Variants in PRKN observed in about 807,000 individuals in gnomAD.
The protein encoded by PRKN is E3 ubiquitin-protein ligase parkin.
In PRKN, 56 loss-of-function variants were observed where a neutral mutation model predicts 59.5. The observed-to-expected ratio is 0.94, with a 90% CI of 0.76 to 1.18. The LOEUF is 1.18. PRKN is among the 50% of genes most tolerant of loss of function. The pLI is 0.00. For synonymous variants in PRKN, 250 were observed against 222.1 expected (o/e 1.13, Z -1.12); for missense variants, 657 against 596.4 (o/e 1.10, Z -1.06).
chr6:162,723,923 T>C (rs561170517), intron 1 of PRKN, among the ~76,000 whole-genome samples: 9 of 152,304 alleles, frequency 5.9e-5, no homozygotes, highest in African/African-American at 1.7e-4. Context: ...AAACAAGGTA[T>C]AGAAGAGACT....
At chr6:162,057,146 G>A (rs940242325) in intron 4 of PRKN, among the ~76,000 whole-genome samples, 5 of 152,182 alleles carry the variant, frequency 3.3e-5, no homozygotes, top group African/African-American at 7.2e-5. Flanking sequence ...TAGGAGGGTC[G>A]GGGCTCATCA....
rs1787085373 is a variant in PRKN, at chr6:161,402,287, G to C, written c.1084-15410C>G. Among the ~76,000 whole-genome samples, 1 of 152,104 alleles carries C rather than the reference G, an allele frequency of 6.6e-6. No individual in the cohort carries two copies. Among genetic ancestry groups the C allele is most frequent in the Non-Finnish European group, 1.5e-5 (1 of 68,022 alleles). Reference sequence around the variant, plus strand: ...TTATGAAATTATAAAATAAAACCCAGACTTATAAGACTCTTCCCCTGCCTA... The same window carrying C: ...TTATGAAATTATAAAATAAAACCCACACTTATAAGACTCTTCCCCTGCCTA... On this transcript the variant is annotated intron_variant, in intron 9 of 11. Transcript: ENST00000366898. The surrounding 1 kb of genome is among the most constrained non-coding windows in gnomAD (Gnocchi z 4.5).
chr6:161,746,890 C>CTATG lies in PRKN; in HGVS notation c.871+38878_871+38881dup, dbSNP rs559319614. Among the ~76,000 whole-genome samples, 27 of 150,154 alleles carry CTATG rather than the reference C, an allele frequency of 1.8e-4. 1 individual carries two copies. The highest frequency in any genetic ancestry group is 1.7e-3 in the Admixed American group (26 of 15,000). On this transcript the variant is annotated intron_variant, in intron 7 of 11. Coordinates refer to ENST00000366898, the MANE Select transcript of PRKN (RefSeq NM_004562.3). The stretch of plus-strand genomic sequence containing the variant: ...TACGTATATATCTATATCTATATAT[C>CTATG]TATGTATGTATGTATAATACTGAAG...
chr6:161,523,265 T>C (rs1778903486), intron 9 of PRKN, among the ~76,000 whole-genome samples: 2 of 152,230 alleles, frequency 1.3e-5, no homozygotes, highest in Admixed American at 1.3e-4. Context: ...GGGAGATAAC[T>C]AAATTTTTAT....
At position 161,886,740 on chromosome 6, in the gene PRKN, AAAT is replaced by A. The variant is rs746147611; in HGVS notation, c.734+86559_734+86561del. On this transcript the variant is annotated intron_variant, in intron 6 of 11. Coordinates refer to ENST00000366898, the MANE Select transcript of PRKN (RefSeq NM_004562.3). The stretch of plus-strand genomic sequence containing the variant: ...ACATAAAATAACATAAAATAAAATA[AAAT>A]AATAAAATAAAAAAAAATAAAATAA... Among the ~76,000 whole-genome samples, 7 of 136,748 alleles carry A rather than the reference AAAT, an allele frequency of 5.1e-5. No homozygotes were observed. The South Asian group carries it at 7.6e-4, about 15-fold the overall frequency. The allele number at this position is 136,748 out of a possible 152,430, so 89.7% of individuals were successfully genotyped here. A position where few individuals can be genotyped will look rare whatever the true frequency, so the allele number is the denominator to read the frequency against.
chr6:162,623,101 A>G (rs550483632), intron 1 of PRKN, among the ~76,000 whole-genome samples: 1 of 152,370 alleles, frequency 6.6e-6, no homozygotes, highest in South Asian at 2.1e-4. Flanking sequence ...CCCAGTCATT[A>G]GGCTTCAGCC....
chr6:162,094,565 G>T (rs1227980187), intron 4 of PRKN, among the ~76,000 whole-genome samples: 1 of 152,114 alleles, frequency 6.6e-6, no homozygotes, highest in Admixed American at 6.6e-5. Flanking sequence ...GGAGGGCCCT[G>T]ACATAGTGAG....
intron 2 of PRKN, among the ~76,000 whole-genome samples, chr6:162,352,729 T>C (rs557553235): frequency 6.6e-6 from 1 of 152,310 alleles, no homozygotes; most frequent in Admixed American, 6.5e-5. Flanking sequence ...TCTTCTCTAA[T>C]TAGTACTTGC....
intron 6 of PRKN, among the ~76,000 whole-genome samples, chr6:161,839,399 T>G (rs1792891841): frequency 6.6e-6 from 1 of 152,008 alleles, no homozygotes. Flanking sequence ...TGGGAATTAC[T>G]CTCTGGGTAG....
In PRKN at chr6:161,459,289, G is replaced by T. The variant is rs140711107; in HGVS notation, c.1084-72412C>A. On this transcript the variant is annotated intron_variant, in intron 9 of 11. Transcript: ENST00000366898. The surrounding 1 kb of genome is among the most constrained non-coding windows in gnomAD (Gnocchi z 4.8). ...TCTGCAACCTAAAGGAAATGCTGTGGTCTCTCTCTTAAGAATGAGAACATT... is the reference window on the plus strand; with the variant it reads ...TCTGCAACCTAAAGGAAATGCTGTGTTCTCTCTCTTAAGAATGAGAACATT... 1.5e-3 allele frequency among the ~76,000 whole-genome samples: 227 copies of T among 152,286 alleles called. No homozygotes were observed. The highest frequency in any genetic ancestry group is 2.9e-3 in the Non-Finnish European group (195 of 68,024).
At chr6:162,203,191 G>A (rs546936722) in intron 3 of PRKN, among the ~76,000 whole-genome samples, 9 of 152,266 alleles carry the variant, frequency 5.9e-5, no homozygotes, top group Admixed American at 6.5e-5. Context: ...ATATATCAAC[G>A]CAGAATCTGA....
intron 4 of PRKN, among the ~76,000 whole-genome samples, chr6:162,135,657 T>A (rs1294410864): frequency 6.6e-6 from 1 of 151,948 alleles, no homozygotes; most frequent in Non-Finnish European, 1.5e-5. Context: ...TCAGTGACAG[T>A]GTGTGTAGCT....
chr6:162,376,239 T>C (rs563451316), intron 2 of PRKN, among the ~76,000 whole-genome samples: 1 of 152,226 alleles, frequency 6.6e-6, no homozygotes, highest in South Asian at 2.1e-4. Context: ...AAGGGAATTT[T>C]GTTACTCCTG....
intron 7 of PRKN, among the ~76,000 whole-genome samples, chr6:161,645,746 A>G (rs558469924): frequency 1.3e-5 from 2 of 152,400 alleles, no homozygotes; most frequent in South Asian, 4.1e-4. Flanking sequence ...TATTGCATGG[A>G]CACGGGGTTT....
At chr6:162,591,087 G>T (rs2128214207) in intron 1 of PRKN, among the ~76,000 whole-genome samples, 1 of 152,266 alleles carries the variant, frequency 6.6e-6, no homozygotes, top group Non-Finnish European at 1.5e-5. Context: ...TGCTCAAGAT[G>T]CATCAGGCTG....
At position 162,611,084 on chromosome 6, in the gene PRKN, G is replaced by A. The variant is rs186857463; in HGVS notation, c.7+116578C>T. Among the ~76,000 whole-genome samples, 7 of 152,236 alleles carry A rather than the reference G, an allele frequency of 4.6e-5. No homozygotes were observed. The East Asian group carries it at 1.2e-3, about 25-fold the overall frequency. Reference sequence around the variant, plus strand: ...ATAGGCCTCACTGGAGAAATAATGTGTTGAATCCTTTTGTAATATCTATTG... The same window carrying A: ...ATAGGCCTCACTGGAGAAATAATGTATTGAATCCTTTTGTAATATCTATTG... On this transcript the variant is annotated intron_variant, in intron 1 of 11. Coordinates refer to ENST00000366898, the MANE Select transcript of PRKN (RefSeq NM_004562.3).
At chr6:162,495,469 C>T (rs1344484186) in intron 1 of PRKN, among the ~76,000 whole-genome samples, 2 of 152,070 alleles carry the variant, frequency 1.3e-5, no homozygotes, top group Non-Finnish European at 2.9e-5. Flanking sequence ...ACCTGAATGC[C>T]AAGAGCTTGG....
At chr6:162,638,983 C>T (rs940298378) in intron 1 of PRKN, among the ~76,000 whole-genome samples, 3 of 151,906 alleles carry the variant, frequency 2.0e-5, no homozygotes, top group African/African-American at 4.8e-5. Flanking sequence ...TGACCTCAGG[C>T]GATCCACCCA....
chr6:161,450,118 G>T (rs568198245), intron 9 of PRKN, among the ~76,000 whole-genome samples: 1 of 152,178 alleles, frequency 6.6e-6, no homozygotes, highest in Non-Finnish European at 1.5e-5. Flanking sequence ...GCTTAAGAAG[G>T]CCTCTTGGTG....
Sources: allele counts gnomAD v4.1 joint callset (sites outside exome capture counted in the v4.1 genomes callset), GRCh38; gene constraint gnomAD v4.1.1; non-coding constraint Gnocchi (gnomAD v3.1); transcripts MANE v1.5; gene names NCBI Gene and HGNC (gene_info 2026-07-23, HGNC 2026-07-21).